Variants in CRAMP1 observed in about 807,000 individuals in gnomAD.
CRAMP1 encodes protein cramped-like.
CRAMP1 carries 50 observed loss-of-function variants against 115.4 expected under a neutral mutation model. The ratio of observed to expected loss-of-function variants is 0.43; its 90% CI spans 0.35 to 0.55. CRAMP1 has a LOEUF of 0.55. CRAMP1 is among the 20% of genes least tolerant of loss of function. The pLI is 0.01. For missense variants in CRAMP1, 1,679 were observed against 1,721.7 expected, an observed-to-expected ratio of 0.98 and a Z score of 0.44; for synonymous variants, 866 against 745.4, an observed-to-expected ratio of 1.16 and a Z score of -2.64.
At chr16:1,615,214 T>TG (rs893313498) in intron 2 of CRAMP1, among the ~76,000 whole-genome samples, 21 of 152,184 alleles carry the variant, frequency 1.4e-4, no homozygotes, top group Admixed American at 3.9e-4. Flanking sequence ...TATCCTTTTT[T>TG]GGGGGGGAGT....
At chr16:1,643,606 G>A (rs2036650682) in intron 6 of CRAMP1, among the ~76,000 whole-genome samples, 1 of 152,100 alleles carries the variant, frequency 6.6e-6, no homozygotes, top group South Asian at 2.1e-4. Context: ...AGCAGGCATG[G>A]GCCTGGGCCA....
At chr16:1,659,515 G>A (rs1180750590) in intron 10 of CRAMP1, among the ~76,000 whole-genome samples, 1 of 152,044 alleles carries the variant, frequency 6.6e-6, no homozygotes, top group East Asian at 1.9e-4. Flanking sequence ...AGCCTCCAGA[G>A]TAGCTGAGAC....
chr16:1,657,377 G>A (rs1345885578), intron 10 of CRAMP1, among the ~76,000 whole-genome samples: 8 of 152,210 alleles, frequency 5.3e-5, no homozygotes, highest in Admixed American at 2.6e-4. Flanking sequence ...GTGTTCCTGG[G>A]AGTCTGCCAA....
In CRAMP1 at chr16:1,666,326, A is replaced by G; in HGVS notation, c.2858-96A>G. On this transcript the variant is annotated intron_variant, in intron 15 of 20. Transcript: ENST00000397412. This position sits in a 1 kb window ranked among gnomAD's most constrained non-coding sequence, Gnocchi z 5.0. ...CTAAGCCCTTGGCTCTTGCATTGAC[A>G]TGAGGTGCGAGGGAGAAGCTGTTCC... is the stretch of plus-strand genomic sequence containing the variant. The G allele has an allele frequency of 7.8e-7, 1 of 1,276,228 alleles. No individual in the cohort carries two copies. Among genetic ancestry groups the G allele is most frequent in the Non-Finnish European group, 1.1e-6 (1 of 904,134 alleles). 79.1% of individuals were successfully genotyped at this position (1,276,228 alleles called of 1,614,324 possible). A position where few individuals can be genotyped will look rare whatever the true frequency, so the allele number is the denominator to read the frequency against.
rs771343996 is a variant in CRAMP1, at chr16:1,655,223, A to G, written c.1042A>G (p.Ile348Val). The change falls in exon 9 of 21, where the codon ATC becomes GTC. Residue 348 changes from isoleucine (I) to valine (V), a missense_variant. This residue lies in a region of CRAMP1 where 191 missense variants were observed against 236.2 expected (regional missense o/e 0.81). Transcript: ENST00000397412. ...TCCTGTCTGTCGTCTCCGTAGGATG[A>G]TCGTGGAGCTACATCGAAAGGTCTC... is the stretch of plus-strand genomic sequence containing the variant. Reference protein sequence around the residue: ...SLAQNPRLRMIVELHRKVSSL... With the variant: ...SLAQNPRLRMVVELHRKVSSL... 1.2e-6 allele frequency: 2 copies of G among 1,613,724 alleles called. No homozygotes were observed. Among genetic ancestry groups the G allele is most frequent in the Non-Finnish European group, 1.7e-6 (2 of 1,179,636 alleles).
chr16:1,639,891 C>T (rs1469278859), intron 5 of CRAMP1, among the ~76,000 whole-genome samples: 2 of 152,132 alleles, frequency 1.3e-5, no homozygotes, highest in Non-Finnish European at 2.9e-5. Context: ...ACCTCTAGAC[C>T]CTATTCTCCT....
At position 1,669,258 on chromosome 16, in the gene CRAMP1, A is replaced by G; in HGVS notation, c.3499+93A>G. ...GGATTCTCATTCTACTCAAACTCCC[A>G]CTAGGACTGTTGGCTTGTTCGCTTC... is the stretch of plus-strand genomic sequence containing the variant. On this transcript the variant is annotated intron_variant, in intron 19 of 20. Coordinates refer to ENST00000397412, the MANE Select transcript of CRAMP1 (RefSeq NM_020825.4). This position sits in a 1 kb window ranked among gnomAD's most constrained non-coding sequence, Gnocchi z 4.6. The G allele has an allele frequency of 3.0e-6, 3 of 991,952 alleles. No individual in the cohort carries two copies. The highest frequency in any genetic ancestry group is 4.3e-6 in the Non-Finnish European group (3 of 696,846). The allele number at this position is 991,952 out of a possible 1,614,324, so 61.4% of individuals were successfully genotyped here. A position where few individuals can be genotyped will look rare whatever the true frequency, so the allele number is the denominator to read the frequency against.
At chr16:1,643,370 G>A (rs748668381) in intron 6 of CRAMP1, among the ~76,000 whole-genome samples, 1 of 152,130 alleles carries the variant, frequency 6.6e-6, no homozygotes, top group Admixed American at 6.5e-5. Flanking sequence ...ATGAAACCCC[G>A]TCTCTGCTAA....
intron 6 of CRAMP1, among the ~76,000 whole-genome samples, chr16:1,645,118 CTG>C (rs79037663): frequency 0.022 from 3,355 of 151,896 alleles, 229 homozygotes; most frequent in Admixed American, 0.13. Context: ...GACAGAAAAA[CTG>C]TGTACAGAGC....
At position 1,670,674 on chromosome 16, in the gene CRAMP1, C is replaced by T; in HGVS notation, c.3510C>T (p.Ile1170=). 1 of 1,613,996 alleles carries T rather than the reference C, an allele frequency of 6.2e-7. No homozygotes were observed. Among genetic ancestry groups the T allele is most frequent in the African/African-American group, 1.3e-5 (1 of 75,044 alleles). Residue 1170 remains isoleucine, a synonymous_variant, in exon 20 of 21, where the codon ATC becomes ATT. Coordinates refer to ENST00000397412, the MANE Select transcript of CRAMP1 (RefSeq NM_020825.4). Reference sequence around the variant, plus strand: ...GCCTTTTCTCCGCAGCAAGCTTCATCTCCCCAGAGAAGAGCCGGAAGATGT... The same window carrying T: ...GCCTTTTCTCCGCAGCAAGCTTCATTTCCCCAGAGAAGAGCCGGAAGATGT... ...SSLSSLFASF[I]SPEKSRKMLP... is the part of the protein sequence containing the mutation.
In CRAMP1 at chr16:1,654,158, A is replaced by G. The variant is rs2036749302; in HGVS notation, c.1037+1002A>G. Among the ~76,000 whole-genome samples, 3 of 151,294 alleles carry G rather than the reference A, an allele frequency of 2.0e-5. No homozygotes were observed. In the South Asian group the frequency reaches 6.2e-4, roughly 31 times the overall value. On this transcript the variant is annotated intron_variant, in intron 8 of 20. Coordinates refer to ENST00000397412, the MANE Select transcript of CRAMP1 (RefSeq NM_020825.4). ...ATTCCATCTCAAAAAAAAAAAAAAG[A>G]AAAAATTGAGGTAAAATTCACATAT...
At position 1,635,475 on chromosome 16, in the gene CRAMP1, A is replaced by G. The variant is rs1413928465; in HGVS notation, c.695-2349A>G. Among the ~76,000 whole-genome samples the G allele has an allele frequency of 2.6e-5, 4 of 152,208 alleles. 1 individual carries two copies. The highest frequency in any genetic ancestry group is 5.9e-5 in the Non-Finnish European group (4 of 68,036). On this transcript the variant is annotated intron_variant, in intron 4 of 20. Transcript: ENST00000397412. Reference sequence around the variant, plus strand: ...CTTGGTTCCTGTCCCTGAGTGTGTAATAAAACATGAGGTGCCACCTAGGAG... The same window carrying G: ...CTTGGTTCCTGTCCCTGAGTGTGTAGTAAAACATGAGGTGCCACCTAGGAG...
At position 1,655,924 on chromosome 16, in the gene CRAMP1, G is replaced by A. The variant is rs777275882; in HGVS notation, c.1167G>A (p.Pro389=). 3.7e-6 allele frequency: 6 copies of A among 1,613,002 alleles called. No homozygotes were observed. The highest frequency in any genetic ancestry group is 2.2e-5 in the East Asian group (1 of 44,880). The change falls in exon 10 of 21, where the codon CCG becomes CCA. Residue 389 remains proline (P), a synonymous_variant. Coordinates refer to ENST00000397412, the MANE Select transcript of CRAMP1 (RefSeq NM_020825.4). The part of the protein sequence containing the change: ...ERQLQDSCSA[P]MQEKVTLHLF... ...AGCTGCAGGACTCATGCTCCGCACC[G>A]ATGCAGGAGAAGGTGACACTGCACT...
At chr16:1,647,904 TGGTGCGAG>T (rs886663890) in intron 6 of CRAMP1, among the ~76,000 whole-genome samples, 4 of 151,976 alleles carry the variant, frequency 2.6e-5, no homozygotes, top group African/African-American at 9.7e-5. Flanking sequence ...GCTTCCAGGC[TGGTGCGAG>T]GATGGGGAGG....
At position 1,668,169 on chromosome 16, in the gene CRAMP1, A is replaced by T. The variant is rs1342065340; in HGVS notation, c.3310A>T (p.Ile1104Phe). 2 of 1,613,526 alleles carry T rather than the reference A, an allele frequency of 1.2e-6. No homozygotes were observed. Among genetic ancestry groups the T allele is most frequent in the Admixed American group, 3.3e-5 (2 of 60,020 alleles). The change falls in exon 18 of 21, where the codon ATC (isoleucine) becomes TTC (phenylalanine). Residue 1104 changes from isoleucine (I) to phenylalanine (F), a missense_variant. Ile to Phe is a conservative substitution (Grantham distance 21). Coordinates refer to ENST00000397412, the MANE Select transcript of CRAMP1 (RefSeq NM_020825.4). ...ATHISDSIIEIAISSGQYGEG... is the reference protein window; with the variant it reads ...ATHISDSIIEFAISSGQYGEG... ...ACACATTAGCGACTCCATCATTGAG[A>T]TCGCCATCAGCTCCGGTCAGTACGG... is the stretch of plus-strand genomic sequence containing the variant.
In CRAMP1 at chr16:1,614,870, G is replaced by T; in HGVS notation, c.231G>T (p.Gln77His). ...QAPSPPQGSP[Q>H]DQHHFLRSSV... is the part of the protein sequence containing the mutation. ...CGTCCCCGCCGCAGGGCAGCCCCCA[G>T]GACCAGCACCACTTCCTCCGGTCCA... is the stretch of plus-strand genomic sequence containing the variant. The change falls in exon 2 of 21, where the codon CAG (glutamine) becomes CAT (histidine). Residue 77 changes from glutamine to histidine, a missense_variant. Transcript: ENST00000397412. The surrounding 1 kb of genome is among the most constrained non-coding windows in gnomAD (Gnocchi z 4.4). 1 of 1,329,180 alleles carries T rather than the reference G, an allele frequency of 7.5e-7. No individual in the cohort carries two copies. The highest frequency in any genetic ancestry group is 2.2e-4 in the Middle Eastern group (1 of 4,524). The allele number at this position is 1,329,180 out of a possible 1,614,324, so 82.3% of individuals were successfully genotyped here.
At chr16:1,617,992 C>T (rs2036434770) in intron 2 of CRAMP1, among the ~76,000 whole-genome samples, 2 of 152,204 alleles carry the variant, frequency 1.3e-5, no homozygotes, top group South Asian at 4.1e-4. Flanking sequence ...AATCCCAAAA[C>T]AGACATTCCT....
At chr16:1,628,496 C>T (rs1285364162) in intron 3 of CRAMP1, among the ~76,000 whole-genome samples, 1 of 152,210 alleles carries the variant, frequency 6.6e-6, no homozygotes, top group African/African-American at 2.4e-5. Flanking sequence ...TCGGGTGATC[C>T]ACCTGCCCCA....
intron 4 of CRAMP1, among the ~76,000 whole-genome samples, chr16:1,633,824 C>G (rs2036565346): frequency 6.6e-6 from 1 of 152,176 alleles, no homozygotes; most frequent in African/African-American, 2.4e-5. Flanking sequence ...GTAATCAGCA[C>G]TTTGGGAGGC....
Sources: gnomAD v4.1 joint callset for allele counts (sites outside exome capture counted in the v4.1 genomes callset) on GRCh38, gnomAD v4.1.1 for gene constraint, gnomAD v4.1.1 regional missense constraint, Gnocchi (gnomAD v3.1) non-coding constraint, MANE v1.5 for transcripts, NCBI Gene and HGNC (gene_info 2026-07-23, HGNC 2026-07-21) for gene names.